Variants in SLIT3 observed in about 807,000 individuals in gnomAD.
The protein encoded by SLIT3 is slit homolog 3 protein.
In SLIT3, 68 loss-of-function variants were observed where a neutral mutation model predicts 184.0. The ratio of observed to expected loss-of-function variants is 0.37; its 90% CI spans 0.30 to 0.45. The LOEUF (loss-of-function observed/expected upper bound fraction) is 0.45. SLIT3 is among the 20% of genes least tolerant of loss of function. The pLI is 1.00. For synonymous variants in SLIT3, 831 were observed against 828.6 expected (o/e 1.00, Z -0.05); for missense variants, 1,707 against 2,026.0 (o/e 0.84, Z 3.02).
chr5:168,869,984 T>C (rs1243994540), intron 5 of SLIT3, among the ~76,000 whole-genome samples: 2 of 152,254 alleles, frequency 1.3e-5, no homozygotes, highest in Admixed American at 6.5e-5. Context: ...AGCTGAATGC[T>C]TGTGGCAGAC....
At chr5:169,182,796 T>G (rs913295876) in intron 4 of SLIT3, among the ~76,000 whole-genome samples, 2 of 152,226 alleles carry the variant, frequency 1.3e-5, no homozygotes, top group Non-Finnish European at 2.9e-5. Flanking sequence ...CATGGATAGT[T>G]TCTAACTCCA....
rs1443792048 is a variant in SLIT3, at chr5:168,760,761, C to T, written c.1685+101G>A. ...AGGAGAAGGCTGGGAGGGAGTGGAG[C>T]AGAGGCTGGGGGAGAGGCCGGTCCC... On this transcript the variant is annotated intron_variant, in intron 16 of 35. Transcript: ENST00000519560. 1.4e-5 allele frequency: 12 copies of T among 839,442 alleles called. No individual in the cohort carries two copies. In the East Asian group the frequency reaches 2.7e-4, roughly 19 times the overall value. The allele number at this position is 839,442 out of a possible 1,614,324, so 52.0% of individuals were successfully genotyped here. A position where few individuals can be genotyped will look rare whatever the true frequency, so the allele number is the denominator to read the frequency against.
At chr5:168,758,034 G>A (rs1324305681) in intron 16 of SLIT3, among the ~76,000 whole-genome samples, 1 of 152,190 alleles carries the variant, frequency 6.6e-6, no homozygotes, top group African/African-American at 2.4e-5. Context: ...ACCGGGAGTT[G>A]TGGCAGCTCT....
At position 169,206,126 on chromosome 5, in the gene SLIT3, G is replaced by C. The variant is rs1015408569; in HGVS notation, c.342-12576C>G. Among the ~76,000 whole-genome samples, 3 of 152,206 alleles carry C rather than the reference G, an allele frequency of 2.0e-5. 1 individual carries two copies. The highest frequency in any genetic ancestry group is 7.2e-5 in the African/African-American group (3 of 41,446). ...TGCTGCCTGGGAATAAATATGGCAG[G>C]GCTATGTTGGGGGCAGGGAAGAGGG... On this transcript the variant is annotated intron_variant, in intron 3 of 35. Coordinates refer to ENST00000519560, the MANE Select transcript of SLIT3 (RefSeq NM_003062.4).
At chr5:168,749,759 C>T (rs1754635434) in intron 18 of SLIT3, 124 bp from the exon 19 acceptor site, 4 of 956,800 alleles carry the variant, frequency 4.2e-6, no homozygotes, top group Non-Finnish European at 6.3e-6. Flanking sequence ...AACGTAGGCT[C>T]TTCCCCAGAT....
chr5:169,057,581 C>A (rs75137436), intron 4 of SLIT3, among the ~76,000 whole-genome samples: 13 of 152,228 alleles, frequency 8.5e-5, no homozygotes, highest in African/African-American at 2.9e-4. Context: ...AGGAAGCAGG[C>A]GTGCGAGGAC....
intron 3 of SLIT3, among the ~76,000 whole-genome samples, chr5:169,206,720 T>A (rs1049708357): frequency 6.6e-6 from 1 of 152,146 alleles, no homozygotes; most frequent in African/African-American, 2.4e-5. Flanking sequence ...CTCTGTGTGT[T>A]TATCTAGGCA....
chr5:169,186,841 T>A (rs558543989), intron 4 of SLIT3, among the ~76,000 whole-genome samples: 1 of 143,514 alleles, frequency 7.0e-6, no homozygotes, highest in Admixed American at 7.2e-5. Flanking sequence ...AGCCTTGAAC[T>A]TTTTGGTGGG....
At chr5:168,777,551 A>G (rs1371970277) in intron 12 of SLIT3, among the ~76,000 whole-genome samples, 1 of 152,142 alleles carries the variant, frequency 6.6e-6, no homozygotes, top group African/African-American at 2.4e-5. Flanking sequence ...ATCTCTCAGC[A>G]TGGGATGTTA....
chr5:168,698,587 A>G (rs972631052), intron 27 of SLIT3, among the ~76,000 whole-genome samples: 37 of 152,110 alleles, frequency 2.4e-4, no homozygotes, highest in African/African-American at 8.0e-4. Flanking sequence ...GAACTGTGAG[A>G]GAGTAAATTT....
chr5:168,850,240 C>T (rs986205495), intron 5 of SLIT3, among the ~76,000 whole-genome samples: 2 of 152,190 alleles, frequency 1.3e-5, no homozygotes, highest in Non-Finnish European at 2.9e-5. Context: ...CATTTGAGGG[C>T]TACTGTAATT....
chr5:168,991,680 C>T (rs1376887977), intron 4 of SLIT3, among the ~76,000 whole-genome samples: 1 of 152,234 alleles, frequency 6.6e-6, no homozygotes, highest in Non-Finnish European at 1.5e-5. Context: ...TCAGGATCCC[C>T]AGGAAAATTC....
intron 4 of SLIT3, among the ~76,000 whole-genome samples, chr5:168,938,024 C>A (rs958461725): frequency 1.3e-5 from 2 of 151,970 alleles, no homozygotes; most frequent in Admixed American, 6.6e-5. Context: ...GTAGATACTG[C>A]GGATCTGTAT....
chr5:169,232,529 A>G (rs1458034497), intron 3 of SLIT3, among the ~76,000 whole-genome samples: 1 of 152,158 alleles, frequency 6.6e-6, no homozygotes, highest in East Asian at 1.9e-4. Context: ...CCGGCCAAAA[A>G]ATATTGTTAT....
chr5:168,979,913 G>A (rs908065637), intron 4 of SLIT3, among the ~76,000 whole-genome samples: 2 of 152,130 alleles, frequency 1.3e-5, no homozygotes, highest in Non-Finnish European at 2.9e-5. Flanking sequence ...GGGATCAGCA[G>A]ACCTCATTTC....
intron 4 of SLIT3, among the ~76,000 whole-genome samples, chr5:169,001,338 A>C (rs552425684): frequency 1.3e-5 from 2 of 152,210 alleles, no homozygotes; most frequent in Non-Finnish European, 2.9e-5. Flanking sequence ...AACTTTTCCT[A>C]CTAAGTACTT....
At chr5:169,020,349 T>C (rs373349849) in intron 4 of SLIT3, among the ~76,000 whole-genome samples, 11 of 152,212 alleles carry the variant, frequency 7.2e-5, no homozygotes, top group African/African-American at 2.4e-4. Context: ...TGGCCTGGCT[T>C]GGTCCGTGAA....
intron 5 of SLIT3, among the ~76,000 whole-genome samples, chr5:168,858,400 T>G (rs917098503): frequency 6.6e-6 from 1 of 152,270 alleles, no homozygotes; most frequent in African/African-American, 2.4e-5. Flanking sequence ...GCAAGTTCAT[T>G]CTACTTTTAT....
chr5:168,834,419 C>T (rs2113693441), intron 6 of SLIT3, among the ~76,000 whole-genome samples: 1 of 152,108 alleles, frequency 6.6e-6, no homozygotes, highest in East Asian at 1.9e-4. Context: ...GGGCCGGGCA[C>T]AGTGGCTCAT....
Sources: gnomAD v4.1 joint callset for allele counts (sites outside exome capture counted in the v4.1 genomes callset) on GRCh38, gnomAD v4.1.1 for gene constraint, MANE v1.5 for transcripts, NCBI Gene and HGNC (gene_info 2026-07-23, HGNC 2026-07-21) for gene names.